The following ATP8A2 variants were observed in gnomAD, a reference collection of about 807,000 sequenced individuals.
ATP8A2 encodes the protein phospholipid-transporting ATPase IB.
ATP8A2 carries 100 observed loss-of-function variants against 165.6 expected under a neutral mutation model. The ratio of observed to expected loss-of-function variants is 0.60; its 90% CI spans 0.51 to 0.71. ATP8A2 has a LOEUF of 0.71. Ranked by LOEUF, ATP8A2 falls within the 30% of genes least tolerant of loss-of-function variation. The pLI is 0.00. For missense variants in ATP8A2, 1,227 were observed against 1,479.5 expected (o/e 0.83, Z 2.80); for synonymous variants, 543 against 548.8 (o/e 0.99, Z 0.15).
At chr13:25,378,921 C>T (rs1050565851) in intron 1 of ATP8A2, among the ~76,000 whole-genome samples, 3 of 152,310 alleles carry the variant, frequency 2.0e-5, no homozygotes, top group Non-Finnish European at 2.9e-5. Flanking sequence ...ATTTTTCTTA[C>T]GGATCCTCAC....
intron 24 of ATP8A2, among the ~76,000 whole-genome samples, chr13:25,617,076 G>A (rs189465573): frequency 6.6e-6 from 1 of 152,290 alleles, no homozygotes; most frequent in Admixed American, 6.5e-5. Context: ...TTACTGTAAA[G>A]TTTAATTACA....
chr13:25,396,160 A>T (rs1444389937), intron 1 of ATP8A2, among the ~76,000 whole-genome samples: 2 of 152,040 alleles, frequency 1.3e-5, no homozygotes, highest in Non-Finnish European at 2.9e-5. Flanking sequence ...ATGTTAATAG[A>T]CTGAGTGGGG....
chr13:25,384,624 T>G (rs1032005170), intron 1 of ATP8A2, among the ~76,000 whole-genome samples: 1 of 152,170 alleles, frequency 6.6e-6, no homozygotes, highest in Non-Finnish European at 1.5e-5. Context: ...ATCAAGTTTT[T>G]ATTTCAACAA....
intron 25 of ATP8A2, among the ~76,000 whole-genome samples, chr13:25,744,785 T>C (rs941040658): frequency 1.3e-5 from 2 of 152,222 alleles, no homozygotes; most frequent in Non-Finnish European, 2.9e-5. Context: ...AGAGAAATCC[T>C]GGAGTTTCTT....
chr13:25,510,174 A>AACACACACACACAC (rs57755000), intron 2 of ATP8A2, among the ~76,000 whole-genome samples: 14 of 128,494 alleles, frequency 1.1e-4, no homozygotes, highest in African/African-American at 3.8e-4. Flanking sequence ...GTCTGTCTGT[A>AACACACACACACAC]ACACACACAC....
At chr13:25,765,829 C>G (rs1422263885) in intron 25 of ATP8A2, among the ~76,000 whole-genome samples, 1 of 152,128 alleles carries the variant, frequency 6.6e-6, no homozygotes, top group African/African-American at 2.4e-5. Context: ...GCTAACCTCC[C>G]TAACAAAAAA....
At chr13:25,647,217 G>A (rs982666860) in intron 24 of ATP8A2, among the ~76,000 whole-genome samples, 2 of 152,122 alleles carry the variant, frequency 1.3e-5, no homozygotes, top group Non-Finnish European at 2.9e-5. Flanking sequence ...TAACTATTAT[G>A]TTATTAATTC....
chr13:25,605,273 G>A (rs183576240), intron 24 of ATP8A2, among the ~76,000 whole-genome samples: 2 of 152,248 alleles, frequency 1.3e-5, no homozygotes, highest in East Asian at 3.9e-4. Flanking sequence ...CTTCCATGAT[G>A]TGTCTAAGAC....
rs368991553 is a variant in ATP8A2, at chr13:25,578,796, A to T, written c.1783-19A>T. ...TTTACTGAAGGCTTTGCCAGTCACA[A>T]TGTTTCCCTATTTTATAGGATAATG... On this transcript the variant is annotated intron_variant, in intron 20 of 36. Coordinates refer to ENST00000381655, the MANE Select transcript of ATP8A2 (RefSeq NM_016529.6). The T allele has an allele frequency of 2.1e-6, 3 of 1,415,982 alleles. No individual in the cohort carries two copies. Among genetic ancestry groups the T allele is most frequent in the Non-Finnish European group, 3.0e-6 (3 of 999,466 alleles). The allele number at this position is 1,415,982 out of a possible 1,614,324, so 87.7% of individuals were successfully genotyped here. A position where few individuals can be genotyped will look rare whatever the true frequency, so the allele number is the denominator to read the frequency against.
chr13:26,020,314 C>T lies in ATP8A2; in HGVS notation c.*329C>T, dbSNP rs528807506. ...ATATTTAAACATCAGTACTAGTTGT[C>T]CTGGGAGAAAGGGAAAGGAGTTTTA... On this transcript the variant is annotated 3_prime_UTR_variant, in exon 37 of 37. Transcript: ENST00000381655. The T allele has an allele frequency of 7.6e-6, 2 of 263,772 alleles. No homozygotes were observed. Among genetic ancestry groups the T allele is most frequent in the Admixed American group, 1.0e-4 (2 of 19,124 alleles). 16.3% of individuals were successfully genotyped at this position (263,772 alleles called of 1,614,324 possible).
At chr13:25,842,356 AG>A (rs768564023) in intron 30 of ATP8A2, among the ~76,000 whole-genome samples, 12 of 152,194 alleles carry the variant, frequency 7.9e-5, no homozygotes, top group Non-Finnish European at 1.0e-4. Flanking sequence ...GCTGAATTAC[AG>A]AGGGCTTTGA....
chr13:25,822,572 T>C (rs1201737323), intron 27 of ATP8A2, among the ~76,000 whole-genome samples: 1 of 152,184 alleles, frequency 6.6e-6, no homozygotes, highest in African/African-American at 2.4e-5. Flanking sequence ...TCACACTCCA[T>C]ATACTCTTTG....
chr13:25,558,314 A>C (rs2039041914), intron 13 of ATP8A2, among the ~76,000 whole-genome samples: 1 of 152,186 alleles, frequency 6.6e-6, no homozygotes, highest in South Asian at 2.1e-4. Flanking sequence ...TGCATGTAAA[A>C]ACTTGTTTAA....
chr13:25,900,398 G>A (rs959883881), intron 33 of ATP8A2, among the ~76,000 whole-genome samples: 10 of 152,270 alleles, frequency 6.6e-5, no homozygotes, highest in Non-Finnish European at 1.3e-4. Flanking sequence ...CAGCCAAAAC[G>A]TGTCCCAAGG....
rs565128096 is a variant in ATP8A2, at chr13:25,782,994, G to A, written c.2679+8035G>A. 8.7e-4 allele frequency among the ~76,000 whole-genome samples: 132 copies of A among 152,326 alleles called. 1 individual carries two copies. Among genetic ancestry groups the A allele is most frequent in the African/African-American group, 2.8e-3 (117 of 41,576 alleles). On this transcript the variant is annotated intron_variant, in intron 27 of 36. Coordinates refer to ENST00000381655, the MANE Select transcript of ATP8A2 (RefSeq NM_016529.6). Reference sequence around the variant, plus strand: ...GACCTCAGGTGATCCACATGCCTCAGCCTCCCAAAGTGCTGGGATTACAGG... The same window carrying A: ...GACCTCAGGTGATCCACATGCCTCAACCTCCCAAAGTGCTGGGATTACAGG...
intron 20 of ATP8A2, 142 bp from the exon 21 acceptor site, chr13:25,578,673 G>A (rs1016753144): frequency 8.8e-6 from 6 of 681,154 alleles, no homozygotes; most frequent in Non-Finnish European, 1.3e-5. Flanking sequence ...TCATGCCTGA[G>A]CCCAGCCAAA....
intron 25 of ATP8A2, among the ~76,000 whole-genome samples, chr13:25,723,094 T>G (rs1283437351): frequency 6.6e-6 from 1 of 152,256 alleles, no homozygotes; most frequent in Non-Finnish European, 1.5e-5. Context: ...TGATAGACAT[T>G]TGGCTTCTTG....
At position 25,577,112 on chromosome 13, in the gene ATP8A2, C is replaced by A; in HGVS notation, c.1756C>A (p.Arg586=). 1 of 1,613,894 alleles carries A rather than the reference C, an allele frequency of 6.2e-7. No homozygotes were observed. ...TGTAATTGTTCGAACTCCTTCAGGA[C>A]GACTTCGGCTTTACTGTAAAGGGGC... is the stretch of plus-strand genomic sequence containing the variant. ...MSVIVRTPSG[R]LRLYCKGADN... The change falls in exon 20 of 37, where the codon CGA becomes AGA. Residue 586 remains arginine, a synonymous_variant. Transcript: ENST00000381655.
At chr13:25,658,159 C>T (rs2041974480) in intron 24 of ATP8A2, among the ~76,000 whole-genome samples, 1 of 152,156 alleles carries the variant, frequency 6.6e-6, no homozygotes, top group Non-Finnish European at 1.5e-5. Context: ...TGATTGATTG[C>T]CTCAGCTAAC....
Sources: allele counts gnomAD v4.1 joint callset (sites outside exome capture counted in the v4.1 genomes callset), GRCh38; gene constraint gnomAD v4.1.1; transcripts MANE v1.5; gene names NCBI Gene and HGNC (gene_info 2026-07-23, HGNC 2026-07-21).